STRN3: variants seen among roughly 807,000 people sequenced by gnomAD.
STRN3 encodes the protein striatin 3, also known as striatin-3.
A neutral mutation model predicts 95.6 loss-of-function variants in STRN3; 29 were observed. The ratio of observed to expected loss-of-function variants is 0.30; its 90% confidence interval spans 0.23 to 0.41. STRN3 has a LOEUF of 0.41. STRN3 is among the 10% of genes least tolerant of loss of function. The pLI is 1.00. For missense variants in STRN3, 890 were observed against 972.1 expected (o/e 0.92, Z 1.12); for synonymous variants, 331 against 357.6 (o/e 0.93, Z 0.84).
chr14:31,013,779 CG>C (rs55893038), intron 1 of STRN3, among the ~76,000 whole-genome samples: 16,946 of 147,898 alleles, frequency 0.11, 1,182 homozygotes, highest in South Asian at 0.3. Context: ...TCTGTAGAAA[CG>C]GGGGGGGTCT....
chr14:30,911,856 G>A (rs773092863), intron 11 of STRN3, 32 bp from the exon 12 acceptor site: 8 of 1,591,696 alleles, frequency 5.0e-6, no homozygotes, highest in Non-Finnish European at 6.8e-6. Flanking sequence ...TAGGGGAAGA[G>A]AAGGCAATTA....
chr14:31,015,398 G>A (rs1883193854), intron 1 of STRN3, among the ~76,000 whole-genome samples: 2 of 150,394 alleles, frequency 1.3e-5, no homozygotes, highest in South Asian at 4.2e-4. Context: ...TTTTGAGACG[G>A]AGTTTCATTC....
chr14:30,951,514 G>C (rs1231252882), intron 3 of STRN3, among the ~76,000 whole-genome samples: 2 of 152,146 alleles, frequency 1.3e-5, no homozygotes, highest in African/African-American at 4.8e-5. Context: ...TTACAGGTGT[G>C]AACCACCATG....
intron 12 of STRN3, 86 bp from the exon 13 acceptor site, chr14:30,911,248 G>T (rs1202429091): frequency 6.0e-5 from 69 of 1,150,708 alleles, no homozygotes; most frequent in East Asian, 1.0e-4. Context: ...CTGAATTTAT[G>T]TAATATCTAA....
chr14:30,914,642 G>A (rs750026112), intron 9 of STRN3, among the ~76,000 whole-genome samples: 6 of 152,052 alleles, frequency 3.9e-5, no homozygotes, highest in South Asian at 2.1e-4. Flanking sequence ...GTGAGCCACC[G>A]CGCCCAGCCT....
At chr14:31,014,515 C>T (rs1384485120) in intron 1 of STRN3, 6 of 344,494 alleles carry the variant, frequency 1.7e-5, no homozygotes, top group African/African-American at 4.6e-5. Flanking sequence ...CCACTGCGCC[C>T]GGCCAAAGTG....
chr14:30,969,584 G>C (rs1420026953), intron 1 of STRN3, among the ~76,000 whole-genome samples: 2 of 152,060 alleles, frequency 1.3e-5, no homozygotes, highest in African/African-American at 4.8e-5. Flanking sequence ...AATCATACAG[G>C]AAGCATTGTT....
intron 8 of STRN3, 92 bp from the exon 9 acceptor site, chr14:30,919,198 T>G: frequency 7.9e-7 from 1 of 1,269,576 alleles, no homozygotes; most frequent in East Asian, 2.6e-5. Context: ...CAAAACAGAC[T>G]ATTAAGAAGT....
In STRN3 at chr14:30,946,776, G is replaced by A. The variant is rs569214344; in HGVS notation, c.716+314C>T. On this transcript the variant is annotated intron_variant, in intron 5 of 17. Coordinates refer to ENST00000357479, the MANE Select transcript of STRN3 (RefSeq NM_001083893.2). ...GTGGATCACCTGAGGTCAGGAGTTCGCAACCAGCCTGGCCAACGTGGTGAA... is the reference window on the plus strand; with the variant it reads ...GTGGATCACCTGAGGTCAGGAGTTCACAACCAGCCTGGCCAACGTGGTGAA... 3.9e-5 allele frequency among the ~76,000 whole-genome samples: 6 copies of A among 152,162 alleles called. No homozygotes were observed. In the South Asian group the frequency reaches 6.2e-4, roughly 16 times the overall value.
At position 30,905,493 on chromosome 14, in the gene STRN3, T is replaced by C; in HGVS notation, c.1954A>G (p.Asn652Asp). 1 of 1,610,500 alleles carries C rather than the reference T, an allele frequency of 6.2e-7. No homozygotes were observed. Among genetic ancestry groups the C allele is most frequent in the Non-Finnish European group, 8.5e-7 (1 of 1,178,586 alleles). ...TCATAAATTACTGCACTACCAGTGT[T>C]GAAAGAGGTTACCATATGAGCTGGA... ...CDPAHMVTSFNTGSAVIYDLE... is the reference protein window; with the variant it reads ...CDPAHMVTSFDTGSAVIYDLE... The change falls in exon 15 of 18, where the codon AAC becomes GAC. Residue 652 changes from asparagine to aspartate, a missense_variant. Physicochemically the swap from Asn to Asp is conservative, Grantham distance 23 (BLOSUM62 1). This residue lies in a region of STRN3 where 357 missense variants were observed against 422.8 expected (regional missense o/e 0.84). Coordinates refer to ENST00000357479, the MANE Select transcript of STRN3 (RefSeq NM_001083893.2).
chr14:30,897,642 A>G (rs1271723617), intron 16 of STRN3, among the ~76,000 whole-genome samples: 1 of 152,222 alleles, frequency 6.6e-6, no homozygotes. Flanking sequence ...TCAGTTGAAG[A>G]CAAAATTTAA....
chr14:30,938,307 A>C (rs1372266824), intron 5 of STRN3, among the ~76,000 whole-genome samples: 1 of 152,330 alleles, frequency 6.6e-6, no homozygotes, highest in Non-Finnish European at 1.5e-5. Flanking sequence ...AACAACCACA[A>C]ATCTACCACA....
chr14:30,915,124 C>A (rs1474802), intron 9 of STRN3, among the ~76,000 whole-genome samples: 131,926 of 152,060 alleles, frequency 0.87, 57,469 homozygotes, highest in East Asian at 0.99. Context: ...TTAAAAGGGA[C>A]ACATTATACA....
intron 8 of STRN3, among the ~76,000 whole-genome samples, chr14:30,919,681 T>C (rs893285224): frequency 5.3e-5 from 8 of 152,138 alleles, no homozygotes; most frequent in African/African-American, 1.9e-4. Context: ...TTCAAAAATT[T>C]TTTCATTTTT....
At chr14:30,993,270 A>AC (rs1555325170) in intron 1 of STRN3, among the ~76,000 whole-genome samples, 21 of 151,148 alleles carry the variant, frequency 1.4e-4, no homozygotes, top group Middle Eastern at 3.4e-3. Flanking sequence ...AAAAAAAAAA[A>AC]CCCACAAACT....
chr14:30,980,329 A>G (rs1376872994), intron 1 of STRN3, among the ~76,000 whole-genome samples: 2 of 152,212 alleles, frequency 1.3e-5, no homozygotes, highest in South Asian at 2.1e-4. Flanking sequence ...TCACCAGCGT[A>G]AAACTTTCAA....
chr14:30,953,770 C>A (rs986710746), intron 3 of STRN3, among the ~76,000 whole-genome samples: 7 of 152,154 alleles, frequency 4.6e-5, no homozygotes, highest in Admixed American at 2.0e-4. Context: ...GCTGGGACTA[C>A]AGGCATGCAA....
At chr14:30,973,828 A>C (rs1421741544) in intron 1 of STRN3, among the ~76,000 whole-genome samples, 4 of 152,262 alleles carry the variant, frequency 2.6e-5, no homozygotes, top group African/African-American at 9.6e-5. Context: ...TATGAAAATC[A>C]AGCAATGTAA....
At position 30,902,653 on chromosome 14, in the gene STRN3, A is replaced by G; in HGVS notation, c.2030-10T>C. On this transcript the variant is annotated splice_polypyrimidine_tract_variant and intron_variant, in intron 15 of 17. Coordinates refer to ENST00000357479, the MANE Select transcript of STRN3 (RefSeq NM_001083893.2). ...TTATTAGATTGTAAACCTGAAAAAT[A>G]AAGGAAGACAATAAGTTAAAATTCA... is the stretch of plus-strand genomic sequence containing the variant. 2.0e-6 allele frequency: 3 copies of G among 1,517,786 alleles called. No individual in the cohort carries two copies. The highest frequency in any genetic ancestry group is 2.7e-6 in the Non-Finnish European group (3 of 1,110,634). 94.0% of individuals were successfully genotyped at this position (1,517,786 alleles called of 1,614,324 possible).
Sources: allele counts gnomAD v4.1 joint callset (sites outside exome capture counted in the v4.1 genomes callset), GRCh38; gene constraint gnomAD v4.1.1; regional missense constraint gnomAD v4.1.1; transcripts MANE v1.5; gene names NCBI Gene and HGNC (gene_info 2026-07-23, HGNC 2026-07-21).